The following MIAT variants were observed in gnomAD, a reference collection of about 807,000 sequenced individuals.
MIAT encodes myocardial infarction associated transcript, also known as MI related novel mRNA.
At chr22:26,659,297 C>T (rs527301603) in intron 2 of MIAT, among the ~76,000 whole-genome samples, 3 of 152,242 alleles carry the variant, frequency 2.0e-5, no homozygotes, top group Non-Finnish European at 4.4e-5. Context: ...TTGAATTGAT[C>T]CCACTCTAAG....
intron 2 of MIAT, among the ~76,000 whole-genome samples, chr22:26,661,354 G>C (rs1930654831): frequency 6.6e-6 from 1 of 152,184 alleles, no homozygotes; most frequent in Non-Finnish European, 1.5e-5. Flanking sequence ...ACTCTGATCA[G>C]ATCAGATGAG....
downstream of MIAT, chr22:26,670,040 G>T: frequency 2.5e-6 from 1 of 393,610 alleles, no homozygotes; most frequent in South Asian, 1.3e-4. Context: ...TGGGAGTATA[G>T]ACTTAGGGTT....
chr22:26,657,234 G>A (rs1036243608), intron 2 of MIAT: 8 of 336,636 alleles, frequency 2.4e-5, no homozygotes, highest in Non-Finnish European at 4.3e-5. Context: ...ACAGCGCCGC[G>A]GGTGGGGATG....
chr22:26,648,927 G>A (rs1295079655), intron 2 of MIAT, among the ~76,000 whole-genome samples: 4 of 124,392 alleles, frequency 3.2e-5, no homozygotes, highest in Non-Finnish European at 6.6e-5. Context: ...GCGAGAGAGC[G>A]AGACAGAGAG....
At chr22:26,657,424 G>T (rs2146002168) in intron 2 of MIAT, 6 of 398,358 alleles carry the variant, frequency 1.5e-5, no homozygotes, top group African/African-American at 4.1e-5. Flanking sequence ...TGAGGGCCGG[G>T]GGTGGGGCGC....
downstream of MIAT, chr22:26,670,496 AGCTGTACCAAACAGG>A: frequency 2.5e-6 from 1 of 396,394 alleles, no homozygotes. Context: ...CTTCCTAGCA[AGCTGTACCAAACAGG>A]GCCTTGAAGG....
intron 2 of MIAT, among the ~76,000 whole-genome samples, chr22:26,653,228 A>G (rs1930368816): frequency 6.6e-6 from 1 of 152,220 alleles, no homozygotes; most frequent in African/African-American, 2.4e-5. Context: ...TGATGCAGAA[A>G]TGTACCATGT....
intron 3 of MIAT, among the ~76,000 whole-genome samples, chr22:26,665,011 C>T (rs922872545): frequency 6.6e-5 from 10 of 151,974 alleles, no homozygotes; most frequent in African/African-American, 2.4e-4. Flanking sequence ...CTGAGGCCAG[C>T]GGACTGCCTG....
At chr22:26,657,506 C>A (rs1015681342) in intron 2 of MIAT, 1 of 398,658 alleles carries the variant, frequency 2.5e-6, no homozygotes, top group South Asian at 1.3e-4. Context: ...ACGCCGGCTG[C>A]GCTCGCGGGA....
chr22:26,670,078 C>G, downstream of MIAT: 1 of 386,434 alleles, frequency 2.6e-6, no homozygotes, highest in Non-Finnish European at 4.5e-6. Flanking sequence ...TTTTGGCTCT[C>G]TGGACTTTAA....
At chr22:26,663,395 C>G (rs1482219215) in exon 3 of MIAT, 2 of 398,556 alleles carry the variant, frequency 5.0e-6, no homozygotes, top group Non-Finnish European at 8.8e-6. Flanking sequence ...CAGGGGTAAC[C>G]AAGGTGATCC....
intron 5 of MIAT, chr22:26,667,890 C>A (rs757910979): frequency 1.3e-4 from 35 of 276,046 alleles, no homozygotes; most frequent in Non-Finnish European, 1.7e-4. Flanking sequence ...AGGCTGGTCT[C>A]GAACTCCTGG....
At chr22:26,658,153 C>T (rs1168404820) in intron 2 of MIAT, 2 of 144,550 alleles carry the variant, frequency 1.4e-5, no homozygotes, top group Non-Finnish European at 1.5e-5. Context: ...CGACCCAACC[C>T]CCCGAGCCTG....
chr22:26,669,865 C>G (rs573168268), downstream of MIAT: 111 of 398,732 alleles, frequency 2.8e-4, no homozygotes, highest in East Asian at 3.9e-3. Context: ...CTGAGAAGGG[C>G]CTGGGCTACA....
chr22:26,646,615 G>GT (rs78943128), exon 1 of MIAT: 59,251 of 397,184 alleles, frequency 0.15, 4,890 homozygotes, highest in East Asian at 0.25. Flanking sequence ...AGTTGTGTCT[G>GT]TTTATCTTCA....
At chr22:26,660,461 C>CAAAAAAAAAAAA (rs58234097) in intron 2 of MIAT, among the ~76,000 whole-genome samples, 1 of 107,186 alleles carries the variant, frequency 9.3e-6, no homozygotes, top group Admixed American at 1.0e-4. Context: ...GAGACTATCT[C>CAAAAAAAAAAAA]AAAAAAAAAA....
downstream of MIAT, chr22:26,671,529 C>T (rs1043475930): frequency 5.0e-6 from 2 of 398,598 alleles, no homozygotes; most frequent in Middle Eastern, 6.2e-4. Flanking sequence ...AACCACCCCC[C>T]CGCAGCCAGA....
intron 2 of MIAT, among the ~76,000 whole-genome samples, chr22:26,653,620 C>A (rs543115873): frequency 2.0e-5 from 3 of 152,080 alleles, no homozygotes; most frequent in Non-Finnish European, 4.4e-5. Context: ...GTATGTAAAT[C>A]ATCTATGTTT....
At chr22:26,656,184 T>C (rs1930441886) in intron 2 of MIAT, 1 of 152,164 alleles carries the variant, frequency 6.6e-6, no homozygotes. Context: ...GCTAATTTTG[T>C]AGTTTTAGTA....
Sources: allele counts gnomAD v4.1 joint callset (sites outside exome capture counted in the v4.1 genomes callset), GRCh38; gene constraint gnomAD v4.1.1; transcripts MANE v1.5; gene names NCBI Gene and HGNC (gene_info 2026-07-23, HGNC 2026-07-21).